Variants in NRG4 observed in about 807,000 individuals in gnomAD.
NRG4 encodes pro-neuregulin-4, membrane-bound isoform.
A neutral mutation model predicts 15.0 loss-of-function variants in NRG4; 10 were observed. The observed-to-expected ratio is 0.67, with a 90% confidence interval of 0.41 to 1.13. NRG4 has a LOEUF of 1.13. Among genes scored for constraint, NRG4 ranks in the 50% most tolerant of loss-of-function variants. The probability of loss-of-function intolerance (pLI) is 0.00; values close to 1 mark genes in which losing one functional copy is unlikely to be tolerated. For missense variants in NRG4, 139 were observed against 140.2 expected, an observed-to-expected ratio of 0.99 and a Z score of 0.04; for synonymous variants, 41 against 50.1, an observed-to-expected ratio of 0.82 and a Z score of 0.77.
chr15:75,973,197 C>T (rs1020766792), intron 3 of NRG4, among the ~76,000 whole-genome samples: 23 of 152,272 alleles, frequency 1.5e-4, no homozygotes, highest in Admixed American at 4.6e-4. Context: ...TATAGGAATA[C>T]TTGTGATTTT....
At chr15:76,057,820 T>C (rs891843727) in intron 1 of NRG4, among the ~76,000 whole-genome samples, 3 of 150,210 alleles carry the variant, frequency 2.0e-5, no homozygotes, top group African/African-American at 7.3e-5. Flanking sequence ...TATAAATACA[T>C]AATATAAATA....
At chr15:75,939,199 C>T (rs2030683565), downstream of NRG4, 2 of 151,682 alleles carry the variant, frequency 1.3e-5, no homozygotes, top group African/African-American at 4.8e-5. Context: ...AAAGCCTATG[C>T]GTAGATAGAC....
intron 5 of NRG4, among the ~76,000 whole-genome samples, chr15:75,947,103 G>C (rs190121344): frequency 3.0e-4 from 45 of 152,304 alleles, no homozygotes; most frequent in African/African-American, 9.9e-4. Flanking sequence ...TTGTAGTCCA[G>C]CTCATTCAAG....
Position 76,051,603 on chromosome 15 carries a change from G to C in NRG4, c.-105+464C>G, listed in dbSNP as rs1409749976. Among the ~76,000 whole-genome samples the C allele has an allele frequency of 4.9e-5, 7 of 142,016 alleles. 2 individuals carry two copies. Among genetic ancestry groups the C allele is most frequent in the Non-Finnish European group, 1.1e-4 (7 of 66,334 alleles). 93.2% of individuals were successfully genotyped at this position (142,016 alleles called of 152,430 possible). A position where few individuals can be genotyped will look rare whatever the true frequency, so the allele number is the denominator to read the frequency against. On this transcript the variant is annotated intron_variant, in intron 4 of 8. Coordinates refer to the NRG4 transcript ENST00000563910. ...TTTTGAGACAGAGTCTCGCTCTGTC[G>C]CCCAGGCTGGAGTGCTGTGGCACTA...
At chr15:76,055,379 C>CG (rs1567132013) in intron 2 of NRG4, among the ~76,000 whole-genome samples, 1 of 152,186 alleles carries the variant, frequency 6.6e-6, no homozygotes. Flanking sequence ...AACAAAAACT[C>CG]TAAGTGGTCA....
At chr15:76,049,976 G>C (rs2035957914) in intron 4 of NRG4, among the ~76,000 whole-genome samples, 1 of 151,004 alleles carries the variant, frequency 6.6e-6, no homozygotes, top group African/African-American at 2.5e-5. Flanking sequence ...ATATGTTAAT[G>C]ATGGTCACAC....
At chr15:75,944,935 ATTTAATACTTTT>A (rs1416345240) in intron 5 of NRG4, among the ~76,000 whole-genome samples, 1 of 149,782 alleles carries the variant, frequency 6.7e-6, no homozygotes, top group African/African-American at 2.5e-5. Flanking sequence ...AACAACAGTA[ATTTAATACTTTT>A]TTTAATACTT....
chr15:76,052,896 T>C (rs1160582931), intron 3 of NRG4: 9 of 151,206 alleles, frequency 6.0e-5, no homozygotes, highest in Admixed American at 5.9e-4. Flanking sequence ...GGTTTAAGAA[T>C]AGTATATTTT....
intron 3 of NRG4, among the ~76,000 whole-genome samples, chr15:75,963,799 T>C (rs1286153226): frequency 6.9e-6 from 1 of 144,546 alleles, no homozygotes; most frequent in East Asian, 2.0e-4. Flanking sequence ...AAAAAAAAAT[T>C]AGCCAAGCAT....
chr15:76,025,255 C>T (rs532484221), intron 5 of NRG4, among the ~76,000 whole-genome samples: 115 of 151,408 alleles, frequency 7.6e-4, no homozygotes, highest in Non-Finnish European at 1.1e-3. Context: ...CTGGCTAACA[C>T]GGTGAAACCC....
chr15:76,036,653 G>C (rs192122161), intron 4 of NRG4, among the ~76,000 whole-genome samples: 2 of 152,240 alleles, frequency 1.3e-5, no homozygotes, highest in East Asian at 3.9e-4. Context: ...CTCATTCAAA[G>C]GGATATCTGA....
At chr15:75,951,325 G>A (rs74772114) in intron 5 of NRG4, among the ~76,000 whole-genome samples, 3 of 151,538 alleles carry the variant, frequency 2.0e-5, no homozygotes, top group Non-Finnish European at 2.9e-5. Flanking sequence ...CTGCCACCAC[G>A]CCCAGCTAGT....
chr15:76,054,149 G>T (rs2036094122), intron 2 of NRG4, among the ~76,000 whole-genome samples: 1 of 149,972 alleles, frequency 6.7e-6, no homozygotes, highest in African/African-American at 2.5e-5. Flanking sequence ...GTGCGGTGGT[G>T]CAACCTTGGC....
At chr15:75,981,286 T>C (rs1031601498) in intron 3 of NRG4, among the ~76,000 whole-genome samples, 2 of 152,210 alleles carry the variant, frequency 1.3e-5, no homozygotes, top group South Asian at 2.1e-4. Context: ...GACCTGAATC[T>C]ACTTTAAATG....
At chr15:76,051,010 T>C (rs2035996738) in intron 4 of NRG4, among the ~76,000 whole-genome samples, 2 of 148,794 alleles carry the variant, frequency 1.3e-5, no homozygotes, top group South Asian at 4.2e-4. Context: ...TATTTATTTT[T>C]ATTTTTATTT....
chr15:75,987,492 G>C (rs75886617), intron 3 of NRG4, among the ~76,000 whole-genome samples: 1 of 147,904 alleles, frequency 6.8e-6, no homozygotes, highest in Admixed American at 6.6e-5. Flanking sequence ...TGGGGGTCAT[G>C]AGGGTCATGA....
chr15:75,937,474 A>C (rs1595924821), downstream of NRG4: 1 of 134,230 alleles, frequency 7.4e-6, no homozygotes, highest in Non-Finnish European at 1.5e-5. Context: ...GTGCCACTGC[A>C]CTCCAGCCTG....
At chr15:75,937,508 C>CAAAAAAAA (rs58256641), downstream of NRG4, 3 of 83,248 alleles carry the variant, frequency 3.6e-5, no homozygotes, top group African/African-American at 4.2e-5. Context: ...GACTCTGTCT[C>CAAAAAAAA]AAAAAAAAAA....
chr15:76,037,517 AGAG>A (rs936086178), intron 4 of NRG4, among the ~76,000 whole-genome samples: 1 of 152,202 alleles, frequency 6.6e-6, no homozygotes, highest in African/African-American at 2.4e-5. Context: ...AGCCCTAGCC[AGAG>A]GAGAATCACC....
Sources: gnomAD v4.1 joint callset for allele counts (sites outside exome capture counted in the v4.1 genomes callset) on GRCh38, gnomAD v4.1.1 for gene constraint, MANE v1.5 for transcripts, NCBI Gene and HGNC (gene_info 2026-07-23, HGNC 2026-07-21) for gene names.